ALDH18A1: variants seen among roughly 807,000 people sequenced by gnomAD.
ALDH18A1 encodes delta-1-pyrroline-5-carboxylate synthase.
A neutral mutation model predicts 88.8 loss-of-function variants in ALDH18A1; 44 were observed. That is an observed-to-expected ratio of 0.50 (90% CI 0.39 to 0.64). The LOEUF is 0.64. Ranked by LOEUF, ALDH18A1 falls within the 30% of genes least tolerant of loss-of-function variation. The pLI, the probability that ALDH18A1 is intolerant of heterozygous loss-of-function variation, is 0.00. For missense variants in ALDH18A1, 782 were observed against 1,009.5 expected (o/e 0.77, Z 3.05); for synonymous variants, 331 against 372.1 (o/e 0.89, Z 1.27).
At chr10:95,638,547 G>C (rs1037096539) in intron 3 of ALDH18A1, among the ~76,000 whole-genome samples, 17 of 152,176 alleles carry the variant, frequency 1.1e-4, no homozygotes, top group African/African-American at 4.1e-4. Flanking sequence ...TCCGCAGGTA[G>C]GAAATGCAAC....
chr10:95,639,530 G>A (rs188412853), intron 3 of ALDH18A1, among the ~76,000 whole-genome samples: 1 of 151,602 alleles, frequency 6.6e-6, no homozygotes, highest in East Asian at 1.9e-4. Flanking sequence ...TATTTCATCT[G>A]TAAATAGCTC....
At chr10:95,611,152 C>G in intron 16 of ALDH18A1, 104 bp downstream of exon 16, 1 of 1,349,514 alleles carries the variant, frequency 7.4e-7, no homozygotes, top group Non-Finnish European at 1.1e-6. Flanking sequence ...TTACCATAAG[C>G]CTACTCAAAT....
At position 95,625,463 on chromosome 10, in the gene ALDH18A1, A is replaced by G; in HGVS notation, c.1153-8T>C. ...ATGGATAATTTCTGCTCTCTAGAAG[A>G]AAGGTACACCATTAAAAAAACAGAG... On this transcript the variant is annotated splice_region_variant and splice_polypyrimidine_tract_variant and intron_variant, in intron 10 of 17. Transcript: ENST00000371224. 6.2e-7 allele frequency: 1 copy of G among 1,611,000 alleles called. No individual in the cohort carries two copies. Among genetic ancestry groups the G allele is most frequent in the Non-Finnish European group, 8.5e-7 (1 of 1,177,338 alleles).
chr10:95,632,503 G>A lies in ALDH18A1; in HGVS notation c.808+456C>T, dbSNP rs1488789421. Among the ~76,000 whole-genome samples the A allele has an allele frequency of 7.9e-5, 12 of 152,094 alleles. No individual in the cohort carries two copies. In the South Asian group the frequency reaches 1.5e-3, roughly 18 times the overall value. On this transcript the variant is annotated intron_variant, in intron 7 of 17. Coordinates refer to ENST00000371224, the MANE Select transcript of ALDH18A1 (RefSeq NM_002860.4). ...GCTTCAGCCCCGAGTAGCTGGAACC[G>A]CAGGCGCATACCACCATGTCCAGCT...
intron 3 of ALDH18A1, among the ~76,000 whole-genome samples, chr10:95,640,639 G>C (rs986467431): frequency 6.6e-6 from 1 of 152,226 alleles, no homozygotes; most frequent in African/African-American, 2.4e-5. Context: ...ACTGTGCCCA[G>C]CTGTGATTCC....
chr10:95,625,328 C>A (rs766230854), intron 11 of ALDH18A1, 34 bp downstream of exon 11: 1 of 1,584,858 alleles, frequency 6.3e-7, no homozygotes, highest in East Asian at 2.2e-5. Flanking sequence ...GCACACCCCT[C>A]CACAACATTG....
chr10:95,647,637 G>A (rs1177907699), intron 2 of ALDH18A1, among the ~76,000 whole-genome samples: 1 of 152,228 alleles, frequency 6.6e-6, no homozygotes, highest in Non-Finnish European at 1.5e-5. Flanking sequence ...AAGACCCTCA[G>A]TCCAGAGAGG....
At position 95,616,366 on chromosome 10, in the gene ALDH18A1, A is replaced by G. The variant is rs72807340; in HGVS notation, c.1605+111T>C. The G allele has an allele frequency of 0.016, 23,427 of 1,430,996 alleles. 244 individuals are homozygous for G. Among genetic ancestry groups the G allele is most frequent in the Non-Finnish European group, 0.019 (19,767 of 1,047,472 alleles). 88.6% of individuals were successfully genotyped at this position (1,430,996 alleles called of 1,614,324 possible). On this transcript the variant is annotated intron_variant, in intron 13 of 17. Transcript: ENST00000371224. Reference sequence around the variant, plus strand: ...GGCTCACAGGCCTGCTGGAGTGTCAAGTCTGCTTGTAGTAGTGTCTTGGCT... The same window carrying G: ...GGCTCACAGGCCTGCTGGAGTGTCAGGTCTGCTTGTAGTAGTGTCTTGGCT...
intron 12 of ALDH18A1, among the ~76,000 whole-genome samples, chr10:95,620,262 T>TGA (rs2097850135): frequency 2.6e-5 from 4 of 152,116 alleles, no homozygotes; most frequent in Non-Finnish European, 5.9e-5. Flanking sequence ...TAGAATGGCA[T>TGA]TCATTAAAAA....
Position 95,621,113 on chromosome 10 carries a change from T to C in ALDH18A1, c.1385A>G (p.Lys462Arg), listed in dbSNP as rs886047511. ...GRVLRRTRIA[K>R]NLELEQVTVP... ...AGTCACTTGTTCCAGTTCCAAGTTTTTGGCGATTCGGGTGCGGCGCAAAAC... is the reference window on the plus strand; with the variant it reads ...AGTCACTTGTTCCAGTTCCAAGTTTCTGGCGATTCGGGTGCGGCGCAAAAC... Residue 462 changes from lysine (K) to arginine (R), a missense_variant, in exon 12 of 18, where the codon AAA becomes AGA. Around this residue, in one of 3 missense-constraint regions of ALDH18A1, gnomAD observed 556 missense variants for 654.5 expected, o/e 0.85. Transcript: ENST00000371224. 6.2e-7 allele frequency: 1 copy of C among 1,614,054 alleles called. No individual in the cohort carries two copies. Among genetic ancestry groups the C allele is most frequent in the Admixed American group, 1.7e-5 (1 of 60,008 alleles).
chr10:95,622,087 T>C (rs2097853605), intron 11 of ALDH18A1, among the ~76,000 whole-genome samples: 1 of 152,252 alleles, frequency 6.6e-6, no homozygotes, highest in Admixed American at 6.5e-5. Context: ...TTCTATTTTT[T>C]TTATAATGAG....
chr10:95,643,154 C>T lies in ALDH18A1; in HGVS notation c.141G>A (p.Pro47=), dbSNP rs748824728. The T allele has an allele frequency of 1.2e-5, 20 of 1,614,068 alleles. No homozygotes were observed. The African/African-American group carries it at 2.0e-4, about 16-fold the overall frequency. Residue 47 remains proline (P), a synonymous_variant, in exon 3 of 18, where the codon CCG becomes CCA. Transcript: ENST00000371224. ...TACGACTGAGGGGTACAGTGATAAA[C>T]GGGATGTTGCTCCAAGAACGAACAT... ...IRHVRSWSNI[P]FITVPLSRTH... is the part of the protein sequence containing the mutation.
chr10:95,607,775 A>G (rs2139516926), intron 17 of ALDH18A1, among the ~76,000 whole-genome samples: 1 of 152,224 alleles, frequency 6.6e-6, no homozygotes, highest in South Asian at 2.1e-4. Flanking sequence ...GGTCAGGGAA[A>G]GCCTCCCTAA....
chr10:95,607,765 G>A (rs1589470070), intron 17 of ALDH18A1, among the ~76,000 whole-genome samples: 1 of 152,168 alleles, frequency 6.6e-6, no homozygotes, highest in Non-Finnish European at 1.5e-5. Flanking sequence ...TGGGTAGGAT[G>A]GTCAGGGAAA....
intron 2 of ALDH18A1, 58 bp from the exon 3 acceptor site, chr10:95,643,264 T>A (rs1365983302): frequency 1.3e-6 from 2 of 1,545,502 alleles, no homozygotes; most frequent in Non-Finnish European, 1.8e-6. Context: ...AGTTTTTCAA[T>A]AAAAATATAC....
chr10:95,626,394 T>G (rs757112948), intron 10 of ALDH18A1, among the ~76,000 whole-genome samples: 2 of 152,132 alleles, frequency 1.3e-5, no homozygotes, highest in Non-Finnish European at 2.9e-5. Context: ...GATAAGTAAT[T>G]TTCCCACATT....
chr10:95,644,280 C>T lies in ALDH18A1; in HGVS notation c.89-1074G>A, dbSNP rs1002219173. ...GAATCCAGATGCCTGTAACAATGAT[C>T]AAAGAAACCAGACAGCTTTCTGAAG... On this transcript the variant is annotated intron_variant, in intron 2 of 17. Transcript: ENST00000371224. 2.6e-5 allele frequency among the ~76,000 whole-genome samples: 4 copies of T among 152,320 alleles called. No individual in the cohort carries two copies. In the South Asian group the frequency reaches 8.3e-4, roughly 32 times the overall value.
At chr10:95,656,452 GC>G (rs1470645897) in intron 1 of ALDH18A1, 144 bp downstream of exon 1, 1 of 152,260 alleles carries the variant, frequency 6.6e-6, no homozygotes, top group Non-Finnish European at 1.5e-5. Context: ...CTACCCATGG[GC>G]CAGATCCCCG....
At chr10:95,629,761 T>C (rs1461025109) in intron 7 of ALDH18A1, among the ~76,000 whole-genome samples, 1 of 152,142 alleles carries the variant, frequency 6.6e-6, no homozygotes, top group Non-Finnish European at 1.5e-5. Context: ...AGAGCATAGT[T>C]AAAATTCAGA....
Sources: gnomAD v4.1 joint callset for allele counts (sites outside exome capture counted in the v4.1 genomes callset) on GRCh38, gnomAD v4.1.1 for gene constraint, gnomAD v4.1.1 regional missense constraint, MANE v1.5 for transcripts, NCBI Gene and HGNC (gene_info 2026-07-23, HGNC 2026-07-21) for gene names.